The following TEKT5 variants were observed in gnomAD, a reference collection of about 807,000 sequenced individuals.
TEKT5 encodes tektin 5.
In TEKT5, 52 loss-of-function variants were observed where a neutral mutation model predicts 48.7. That is an observed-to-expected ratio of 1.07 (90% CI 0.86 to 1.35). The LOEUF (loss-of-function observed/expected upper bound fraction) is 1.35. TEKT5 is among the 40% of genes most tolerant of loss of function. The pLI, the probability that TEKT5 is intolerant of heterozygous loss-of-function variation, is 0.00. For synonymous variants in TEKT5, 318 were observed against 267.6 expected (o/e 1.19, Z -1.84); for missense variants, 831 against 641.6 (o/e 1.30, Z -3.19).
At chr16:10,630,865 T>C (rs150254711) in intron 6 of TEKT5, among the ~76,000 whole-genome samples, 1 of 150,964 alleles carries the variant, frequency 6.6e-6, no homozygotes, top group East Asian at 2.0e-4. Context: ...CCACTAAAAA[T>C]AGAAAAAAAT....
At chr16:10,652,340 C>T (rs1898171604) in intron 5 of TEKT5, among the ~76,000 whole-genome samples, 1 of 151,926 alleles carries the variant, frequency 6.6e-6, no homozygotes, top group African/African-American at 2.4e-5. Flanking sequence ...AAGGAAAGTC[C>T]TGCCCTCCCA....
intron 5 of TEKT5, among the ~76,000 whole-genome samples, chr16:10,673,354 G>T (rs918199359): frequency 6.6e-6 from 1 of 152,130 alleles, no homozygotes; most frequent in South Asian, 2.1e-4. Context: ...GATTGTCCAC[G>T]GCTGCTTTTG....
At chr16:10,645,707 C>G (rs1898059680) in intron 5 of TEKT5, among the ~76,000 whole-genome samples, 1 of 152,040 alleles carries the variant, frequency 6.6e-6, no homozygotes, top group Non-Finnish European at 1.5e-5. Flanking sequence ...GAGGCTGAGA[C>G]AGGAAAATCG....
At chr16:10,629,989 G>A (rs1897814589) in intron 6 of TEKT5, among the ~76,000 whole-genome samples, 1 of 152,068 alleles carries the variant, frequency 6.6e-6, no homozygotes, top group Non-Finnish European at 1.5e-5. Flanking sequence ...AGGCCAGAGT[G>A]CAGTGGTGCA....
chr16:10,638,788 T>C (rs1897950601), intron 5 of TEKT5, among the ~76,000 whole-genome samples: 2 of 152,170 alleles, frequency 1.3e-5, no homozygotes, highest in South Asian at 2.1e-4. Flanking sequence ...AAGAGGATAA[T>C]TCAAAGAAAC....
At position 10,690,594 on chromosome 16, in the gene TEKT5, T is replaced by C. The variant is rs1178451950; in HGVS notation, c.565-569A>G. The C allele has an allele frequency of 3.0e-6, 3 of 985,250 alleles. No individual in the cohort carries two copies. In the Admixed American group the frequency reaches 1.8e-4, roughly 61 times the overall value. The allele number at this position is 985,250 out of a possible 1,614,324, so 61.0% of individuals were successfully genotyped here. A position where few individuals can be genotyped will look rare whatever the true frequency, so the allele number is the denominator to read the frequency against. The stretch of plus-strand genomic sequence containing the variant: ...CACTGAGAACACTGCCCCTAAATAT[T>C]ACCTGTGAATATGCATGAAAACCCC... On this transcript the variant is annotated intron_variant, in intron 1 of 6. Coordinates refer to ENST00000283025, the MANE Select transcript of TEKT5 (RefSeq NM_144674.2).
chr16:10,662,494 C>T (rs1898390937), intron 5 of TEKT5, among the ~76,000 whole-genome samples: 2 of 152,206 alleles, frequency 1.3e-5, no homozygotes, highest in African/African-American at 4.8e-5. Context: ...GCACAGCATT[C>T]TGTTCCCAAA....
intron 6 of TEKT5, among the ~76,000 whole-genome samples, chr16:10,634,928 C>G (rs1897892239): frequency 6.6e-6 from 1 of 152,172 alleles, no homozygotes; most frequent in Non-Finnish European, 1.5e-5. Flanking sequence ...ACATGTACAA[C>G]ATAGCAAGGA....
intron 5 of TEKT5, among the ~76,000 whole-genome samples, chr16:10,670,887 T>G (rs1405549624): frequency 6.6e-6 from 1 of 151,858 alleles, no homozygotes; most frequent in African/African-American, 2.4e-5. Flanking sequence ...ATGTATTTAT[T>G]TATTTATTTC....
chr16:10,634,174 T>C (rs1475119115), intron 6 of TEKT5, among the ~76,000 whole-genome samples: 2 of 152,072 alleles, frequency 1.3e-5, no homozygotes, highest in Admixed American at 6.5e-5. Context: ...TCAATTTATC[T>C]TCCCATTTGA....
At position 10,647,529 on chromosome 16, in the gene TEKT5, T is replaced by C. The variant is rs181726456; in HGVS notation, c.1087-11611A>G. Among the ~76,000 whole-genome samples, 374 of 150,282 alleles carry C rather than the reference T, an allele frequency of 2.5e-3. 1 individual carries two copies. Among genetic ancestry groups the C allele is most frequent in the South Asian group, 3.0e-3 (14 of 4,742 alleles). On this transcript the variant is annotated intron_variant, in intron 5 of 6. Coordinates refer to ENST00000283025, the MANE Select transcript of TEKT5 (RefSeq NM_144674.2). ...GGTACGCGCCTTCCTGGCCCCACCC[T>C]GAGCCCATCCAGGGCAGCTCCCAGG...
At chr16:10,659,757 G>A (rs917214278) in intron 5 of TEKT5, among the ~76,000 whole-genome samples, 2 of 152,150 alleles carry the variant, frequency 1.3e-5, no homozygotes, top group East Asian at 1.9e-4. Context: ...AGGCCTGTAC[G>A]CTCATTATTA....
intron 1 of TEKT5, 91 bp from the exon 2 acceptor site, chr16:10,690,116 G>C: frequency 1.4e-6 from 2 of 1,397,342 alleles, no homozygotes; most frequent in Non-Finnish European, 2.0e-6. Flanking sequence ...GCCACAATCT[G>C]TTCCTTTCTC....
chr16:10,690,050 T>C (rs1388687204), intron 1 of TEKT5, 25 bp from the exon 2 acceptor site: 1 of 1,610,074 alleles, frequency 6.2e-7, no homozygotes, highest in East Asian at 2.2e-5. Flanking sequence ...AGAAAGAACG[T>C]ATTCTTCCTG....
chr16:10,647,457 G>GT (rs1487664698), intron 5 of TEKT5, among the ~76,000 whole-genome samples: 1 of 142,804 alleles, frequency 7.0e-6, no homozygotes, highest in Non-Finnish European at 1.5e-5. Context: ...GGGTGACAGA[G>GT]TGGGACCCTG....
chr16:10,647,433 C>A (rs1198523855), intron 5 of TEKT5, among the ~76,000 whole-genome samples: 1 of 150,526 alleles, frequency 6.6e-6, no homozygotes, highest in Non-Finnish European at 1.5e-5. Flanking sequence ...GATGACGCCA[C>A]TGCACCCCAG....
chr16:10,629,975 G>A (rs1897814492), intron 6 of TEKT5, among the ~76,000 whole-genome samples: 1 of 151,980 alleles, frequency 6.6e-6, no homozygotes, highest in African/African-American at 2.4e-5. Flanking sequence ...GTCTCACTCT[G>A]TCTAGGCCAG....
At chr16:10,641,390 C>A (rs1171850325) in intron 5 of TEKT5, among the ~76,000 whole-genome samples, 1 of 152,170 alleles carries the variant, frequency 6.6e-6, no homozygotes, top group Non-Finnish European at 1.5e-5. Flanking sequence ...TGAGACGTTA[C>A]AGCCAAGAGG....
intron 5 of TEKT5, among the ~76,000 whole-genome samples, chr16:10,658,254 T>C (rs1898296930): frequency 6.6e-6 from 1 of 152,182 alleles, no homozygotes; most frequent in African/African-American, 2.4e-5. Flanking sequence ...GAGCCAGGGA[T>C]TCCGTTCCTG....
Sources: allele counts gnomAD v4.1 joint callset (sites outside exome capture counted in the v4.1 genomes callset), GRCh38; gene constraint gnomAD v4.1.1; transcripts MANE v1.5; gene names NCBI Gene and HGNC (gene_info 2026-07-23, HGNC 2026-07-21).